MITF: variants seen among roughly 807,000 people sequenced by gnomAD.
The protein encoded by MITF is microphthalmia-associated transcription factor.
MITF carries 17 observed loss-of-function variants against 60.5 expected under a neutral mutation model. The ratio of observed to expected loss-of-function variants is 0.28; its 90% confidence interval spans 0.19 to 0.42. The LOEUF is 0.42. Ranked by LOEUF, MITF falls within the 10% of genes least tolerant of loss-of-function variation. MITF has a pLI of 1.00. For synonymous variants in MITF, 260 were observed against 248.5 expected (o/e 1.05, Z -0.43); for missense variants, 622 against 683.5 (o/e 0.91, Z 1.00).
intron 1 of MITF, among the ~76,000 whole-genome samples, chr3:69,790,957 C>G (rs948924614): frequency 6.6e-6 from 1 of 152,116 alleles, no homozygotes; most frequent in African/African-American, 2.4e-5. Context: ...AATAATAGAC[C>G]GTAGATGGTG....
At chr3:69,748,101 A>G (rs1186936252) in intron 1 of MITF, among the ~76,000 whole-genome samples, 1 of 152,112 alleles carries the variant, frequency 6.6e-6, no homozygotes, top group African/African-American at 2.4e-5. Context: ...CCTCCCACAT[A>G]CCACCTCCAG....
intron 1 of MITF, among the ~76,000 whole-genome samples, chr3:69,838,984 A>G (rs1398338060): frequency 6.6e-6 from 1 of 152,168 alleles, no homozygotes; most frequent in African/African-American, 2.4e-5. Flanking sequence ...TTAGGGTAGC[A>G]CACTTTATGT....
At chr3:69,778,295 G>A (rs2062507502) in intron 1 of MITF, among the ~76,000 whole-genome samples, 1 of 152,170 alleles carries the variant, frequency 6.6e-6, no homozygotes, top group South Asian at 2.1e-4. Flanking sequence ...GTAGATGGAT[G>A]TTTATGGGGT....
At chr3:69,867,750 A>G (rs1362255778) in intron 1 of MITF, among the ~76,000 whole-genome samples, 2 of 152,216 alleles carry the variant, frequency 1.3e-5, no homozygotes, top group African/African-American at 4.8e-5. Flanking sequence ...GAAACTTGCT[A>G]TTCTGATTCT....
At chr3:69,866,371 T>C (rs2064115287) in intron 1 of MITF, 1 of 1,613,398 alleles carries the variant, frequency 6.2e-7, no homozygotes, top group Non-Finnish European at 8.5e-7. Flanking sequence ...ATTCTGGAAA[T>C]AATCCCGGGA....
chr3:69,926,929 G>A (rs1451781530), intron 2 of MITF, among the ~76,000 whole-genome samples: 2 of 152,196 alleles, frequency 1.3e-5, no homozygotes, highest in Non-Finnish European at 2.9e-5. Flanking sequence ...AAAATTTTCA[G>A]TAGAGGAATT....
At chr3:69,943,127 C>G (rs1384691484) in intron 5 of MITF, among the ~76,000 whole-genome samples, 2 of 124,494 alleles carry the variant, frequency 1.6e-5, no homozygotes, top group Non-Finnish European at 3.2e-5. Context: ...CCAGGCTGAT[C>G]TTGAGCTCCT....
chr3:69,757,960 T>C (rs1377215004), intron 1 of MITF, among the ~76,000 whole-genome samples: 1 of 150,926 alleles, frequency 6.6e-6, no homozygotes, highest in Non-Finnish European at 1.5e-5. Context: ...GGGAGGTCTT[T>C]CTGGGAGAGG....
At chr3:69,755,777 T>C (rs1704122843) in intron 1 of MITF, among the ~76,000 whole-genome samples, 1 of 152,180 alleles carries the variant, frequency 6.6e-6, no homozygotes, top group African/African-American at 2.4e-5. Context: ...CCTACCTCAT[T>C]GAATAGTTGT....
intron 2 of MITF, among the ~76,000 whole-genome samples, chr3:69,921,598 G>A (rs548604878): frequency 2.0e-4 from 31 of 152,262 alleles, no homozygotes; most frequent in Middle Eastern, 6.8e-3. Flanking sequence ...TGAAGATGAC[G>A]TTTCCTGCAC....
chr3:69,865,801 A>G (rs906354657), intron 1 of MITF, among the ~76,000 whole-genome samples: 1 of 152,174 alleles, frequency 6.6e-6, no homozygotes, highest in African/African-American at 2.4e-5. Flanking sequence ...GAGTTGTGTG[A>G]TGAGTTGATG....
intron 1 of MITF, among the ~76,000 whole-genome samples, chr3:69,816,307 T>C (rs1268905683): frequency 6.6e-6 from 1 of 152,166 alleles, no homozygotes; most frequent in East Asian, 1.9e-4. Flanking sequence ...TTCCATGTCA[T>C]TGAGACTCCT....
intron 1 of MITF, among the ~76,000 whole-genome samples, chr3:69,791,132 C>T (rs1413281358): frequency 6.6e-6 from 1 of 152,170 alleles, no homozygotes; most frequent in Non-Finnish European, 1.5e-5. Context: ...AAATGTCCTG[C>T]AAGTCATGTT....
rs1576059131 is a variant in MITF, at chr3:69,960,903, T to A, written c.1179+1483T>A. On this transcript the variant is annotated intron_variant, in intron 9 of 9. Transcript: ENST00000352241. ...ATTCCTCAGCTGTGGGGTGGGGAGG[T>A]GGGAAGCCACTTCCCTGTTGGGGTG... Among the ~76,000 whole-genome samples the A allele has an allele frequency of 2.0e-5, 3 of 151,988 alleles. No individual in the cohort carries two copies. In the South Asian group the frequency reaches 6.2e-4, roughly 32 times the overall value.
At chr3:69,817,903 A>G (rs1041085502) in intron 1 of MITF, among the ~76,000 whole-genome samples, 1 of 152,140 alleles carries the variant, frequency 6.6e-6, no homozygotes, top group Non-Finnish European at 1.5e-5. Flanking sequence ...AATATCCTGC[A>G]TTGTGTCTTA....
At chr3:69,866,285 A>G (rs1211737616) in intron 1 of MITF, 3 of 1,613,678 alleles carry the variant, frequency 1.9e-6, no homozygotes, top group Non-Finnish European at 1.7e-6. Flanking sequence ...CCTTAAAGGA[A>G]AAAAGATGGA....
At chr3:69,757,846 A>T (rs1001813886) in intron 1 of MITF, among the ~76,000 whole-genome samples, 1 of 151,750 alleles carries the variant, frequency 6.6e-6, no homozygotes, top group Non-Finnish European at 1.5e-5. Context: ...TGAGCTGAGG[A>T]TAATGGGGAG....
At chr3:69,930,152 C>T (rs1575987096) in intron 2 of MITF, among the ~76,000 whole-genome samples, 1 of 152,028 alleles carries the variant, frequency 6.6e-6, no homozygotes, top group South Asian at 2.1e-4. Context: ...CAAACGGTGC[C>T]GTCTCGTAGG....
intron 1 of MITF, among the ~76,000 whole-genome samples, chr3:69,843,235 G>A (rs2063671760): frequency 7.3e-6 from 1 of 137,636 alleles, no homozygotes; most frequent in African/African-American, 2.8e-5. Flanking sequence ...CAACAACGAG[G>A]GAAGAAGGGT....
Sources: allele counts gnomAD v4.1 joint callset (sites outside exome capture counted in the v4.1 genomes callset), GRCh38; gene constraint gnomAD v4.1.1; transcripts MANE v1.5; gene names NCBI Gene and HGNC (gene_info 2026-07-23, HGNC 2026-07-21).